Variants in INPP4B observed in about 807,000 individuals in gnomAD.
INPP4B encodes the protein inositol polyphosphate 4-phosphatase type II.
In INPP4B, 55 loss-of-function variants were observed where a neutral mutation model predicts 122.5. The observed-to-expected ratio is 0.45, with a 90% CI of 0.36 to 0.56. The LOEUF (loss-of-function observed/expected upper bound fraction) is 0.56, where lower values mean the gene tolerates loss of function less well. Among genes scored for constraint, INPP4B ranks in the 20% least tolerant of loss-of-function variants. The pLI, the probability that INPP4B is intolerant of heterozygous loss-of-function variation, is 0.00. For missense variants in INPP4B, 1,000 were observed against 1,097.7 expected (o/e 0.91, Z 1.26); for synonymous variants, 403 against 388.7 (o/e 1.04, Z -0.43).
chr4:142,155,834 A>G (rs185534677), intron 17 of INPP4B, among the ~76,000 whole-genome samples: 6 of 151,942 alleles, frequency 3.9e-5, no homozygotes, highest in Admixed American at 3.3e-4. Context: ...CAGAATGGCC[A>G]CAGATTTTTA....
At chr4:142,107,071 T>C (rs1457794190) in intron 23 of INPP4B, among the ~76,000 whole-genome samples, 3 of 152,156 alleles carry the variant, frequency 2.0e-5, no homozygotes, top group African/African-American at 7.2e-5. Context: ...CCAAAGAATC[T>C]CCATGTACTT....
intron 5 of INPP4B, among the ~76,000 whole-genome samples, chr4:142,418,862 G>A (rs1806291024): frequency 6.6e-6 from 1 of 152,168 alleles, no homozygotes; most frequent in African/African-American, 2.4e-5. Flanking sequence ...TCCATCAGGT[G>A]GAGACTGAGC....
intron 14 of INPP4B, among the ~76,000 whole-genome samples, chr4:142,193,754 T>C (rs150305734): frequency 7.9e-4 from 121 of 152,312 alleles, no homozygotes; most frequent in African/African-American, 2.7e-3. Flanking sequence ...TTAGGTGACA[T>C]AGAAAGAATA....
chr4:142,485,652 T>C, intron 2 of INPP4B, among the ~76,000 whole-genome samples: 1 of 152,100 alleles, frequency 6.6e-6, no homozygotes, highest in African/African-American at 2.4e-5. Context: ...CACAAACTGG[T>C]TTAATTAAAG....
At chr4:142,078,860 T>A (rs1469287772) in intron 25 of INPP4B, among the ~76,000 whole-genome samples, 1 of 151,956 alleles carries the variant, frequency 6.6e-6, no homozygotes, top group Non-Finnish European at 1.5e-5. Context: ...ATTGGAGTAA[T>A]TCAAAGGTAA....
At chr4:142,592,975 A>T (rs569845644) in intron 2 of INPP4B, among the ~76,000 whole-genome samples, 1 of 152,100 alleles carries the variant, frequency 6.6e-6, no homozygotes, top group East Asian at 1.9e-4. Context: ...GTGGTGGTGC[A>T]TGCCTGTTCT....
At chr4:142,088,028 C>T (rs1256434275) in intron 23 of INPP4B, among the ~76,000 whole-genome samples, 1 of 152,032 alleles carries the variant, frequency 6.6e-6, no homozygotes, top group Non-Finnish European at 1.5e-5. Context: ...AGAAAGTTGT[C>T]AAAAGTCATA....
At chr4:142,594,160 T>C (rs1185466690) in intron 2 of INPP4B, among the ~76,000 whole-genome samples, 1 of 152,176 alleles carries the variant, frequency 6.6e-6, no homozygotes, top group Non-Finnish European at 1.5e-5. Context: ...TAAACAATGT[T>C]GGAAAATGAA....
intron 7 of INPP4B, among the ~76,000 whole-genome samples, chr4:142,348,828 G>C (rs1004077824): frequency 1.3e-5 from 2 of 151,992 alleles, no homozygotes; most frequent in Admixed American, 1.3e-4. Flanking sequence ...AGTTCAGTGA[G>C]TGCCTAATCC....
intron 1 of INPP4B, among the ~76,000 whole-genome samples, chr4:142,800,869 C>G (rs1777907615): frequency 6.6e-6 from 1 of 152,052 alleles, no homozygotes; most frequent in South Asian, 2.1e-4. Context: ...AGGGAATAAA[C>G]AGAAGACAGC....
At chr4:142,550,750 C>T (rs978057845) in intron 2 of INPP4B, among the ~76,000 whole-genome samples, 2 of 151,966 alleles carry the variant, frequency 1.3e-5, no homozygotes, top group African/African-American at 4.8e-5. Flanking sequence ...TTCAAAGCCA[C>T]ATATTAAAAT....
At chr4:142,055,033 G>A (rs1210702791) in intron 25 of INPP4B, among the ~76,000 whole-genome samples, 8 of 152,014 alleles carry the variant, frequency 5.3e-5, no homozygotes, top group Non-Finnish European at 1.0e-4. Flanking sequence ...GTGCATGTGT[G>A]TATGTTAGAC....
chr4:142,684,182 G>A (rs1446194499), intron 2 of INPP4B, among the ~76,000 whole-genome samples: 1 of 152,028 alleles, frequency 6.6e-6, no homozygotes, highest in Non-Finnish European at 1.5e-5. Flanking sequence ...TTGCAAGTGG[G>A]AGAGTTGCTG....
chr4:142,087,242 G>C (rs182850431), intron 23 of INPP4B, among the ~76,000 whole-genome samples: 55 of 152,032 alleles, frequency 3.6e-4, no homozygotes, highest in Non-Finnish European at 2.9e-5. Flanking sequence ...GCACTATAAA[G>C]AAGCACAGAT....
At chr4:142,644,205 A>T (rs529113907) in intron 2 of INPP4B, among the ~76,000 whole-genome samples, 244 of 151,280 alleles carry the variant, frequency 1.6e-3, no homozygotes, top group East Asian at 1.0e-2. Context: ...GTCTCAAAAA[A>T]AAAATAAAAT....
intron 7 of INPP4B, among the ~76,000 whole-genome samples, chr4:142,348,749 C>T (rs944665422): frequency 1.6e-4 from 25 of 152,002 alleles, no homozygotes; most frequent in African/African-American, 5.3e-4. Flanking sequence ...AAGGAAGAGT[C>T]CTTCCCTCTA....
intron 9 of INPP4B, among the ~76,000 whole-genome samples, chr4:142,305,145 A>G (rs2151184862): frequency 6.6e-6 from 1 of 152,310 alleles, no homozygotes; most frequent in African/African-American, 2.4e-5. Context: ...GATAAGTAAG[A>G]GAAAAAATAT....
intron 25 of INPP4B, among the ~76,000 whole-genome samples, chr4:142,038,735 C>A (rs887078443): frequency 3.9e-5 from 6 of 152,232 alleles, no homozygotes; most frequent in African/African-American, 1.2e-4. Context: ...TTGTTGATTT[C>A]AAATAATCAA....
chr4:142,154,281 G>A (rs377673467), intron 17 of INPP4B, among the ~76,000 whole-genome samples: 4 of 151,970 alleles, frequency 2.6e-5, no homozygotes, highest in Non-Finnish European at 4.4e-5. Context: ...GGAAACATCT[G>A]AAGAAATTAT....
Sources: allele counts gnomAD v4.1 joint callset (sites outside exome capture counted in the v4.1 genomes callset), GRCh38; gene constraint gnomAD v4.1.1; transcripts MANE v1.5; gene names NCBI Gene and HGNC (gene_info 2026-07-23, HGNC 2026-07-21).